Variants in RCN2 observed in about 807,000 individuals in gnomAD.
The protein encoded by RCN2 is reticulocalbin-2.
Under a neutral mutation model 37.5 loss-of-function variants are expected in RCN2, and 23 were observed. That is an observed-to-expected ratio of 0.61 (90% CI 0.44 to 0.87). The LOEUF (loss-of-function observed/expected upper bound fraction) is 0.87, where lower values mean the gene tolerates loss of function less well. Ranked by LOEUF, RCN2 falls within the 40% of genes least tolerant of loss-of-function variation. RCN2 has a pLI of 0.00. For synonymous variants in RCN2, 140 were observed against 144.6 expected (o/e 0.97, Z 0.23); for missense variants, 381 against 390.4 (o/e 0.98, Z 0.20).
In RCN2 at chr15:76,931,948, G is replaced by A; in HGVS notation, c.107G>A (p.Arg36His). 2 of 1,287,992 alleles carry A rather than the reference G, an allele frequency of 1.6e-6. No homozygotes were observed. Among genetic ancestry groups the A allele is most frequent in the Non-Finnish European group, 9.8e-7 (1 of 1,021,954 alleles). 79.8% of individuals were successfully genotyped at this position (1,287,992 alleles called of 1,614,324 possible). A position where few individuals can be genotyped will look rare whatever the true frequency, so the allele number is the denominator to read the frequency against. Residue 36 changes from arginine (R) to histidine (H), a missense_variant, in exon 1 of 7, where the codon CGC becomes CAC. By Grantham distance (29) the Arg-to-His change is conservative. Transcript: ENST00000394885. The part of the protein sequence containing the change: ...EELHYPLGER[R>H]SDYDREALLG... Reference sequence around the variant, plus strand: ...CTGCACTACCCGCTGGGCGAGCGCCGCAGCGACTACGACCGCGAGGCGCTG... The same window carrying A: ...CTGCACTACCCGCTGGGCGAGCGCCACAGCGACTACGACCGCGAGGCGCTG...
intron 4 of RCN2, among the ~76,000 whole-genome samples, chr15:76,946,296 A>C (rs904713301): frequency 2.0e-5 from 3 of 152,030 alleles, no homozygotes; most frequent in African/African-American, 7.2e-5. Context: ...CTCTACAAAA[A>C]AGTTAGCCAG....
chr15:76,939,426 C>T (rs1568459951), intron 3 of RCN2, among the ~76,000 whole-genome samples: 1 of 152,024 alleles, frequency 6.6e-6, no homozygotes, highest in African/African-American at 2.4e-5. Flanking sequence ...CTTTTTAAAA[C>T]TTTATGCATT....
chr15:76,941,726 G>T, intron 3 of RCN2: 1 of 1,112,668 alleles, frequency 9.0e-7, no homozygotes, highest in Non-Finnish European at 1.2e-6. Flanking sequence ...TCAAATGGCC[G>T]TGAAATGTGA....
rs961418988 is a variant in RCN2 at position 76,952,766 on chromosome 15, G to A, written c.*3544G>A. On this transcript the variant is annotated 3_prime_UTR_variant, in exon 7 of 7. Transcript: ENST00000394885. ...CTCCCGACTAGGTGGGATTACAGGCGGGCACCACCATGCCCCCTAATTTTT... is the reference window on the plus strand; with the variant it reads ...CTCCCGACTAGGTGGGATTACAGGCAGGCACCACCATGCCCCCTAATTTTT... 1 of 151,806 alleles carries A rather than the reference G, an allele frequency of 6.6e-6. No individual in the cohort carries two copies. Among genetic ancestry groups the A allele is most frequent in the Non-Finnish European group, 1.5e-5 (1 of 68,006 alleles). The allele number at this position is 151,806 out of a possible 1,614,324, so 9.4% of individuals were successfully genotyped here.
intron 3 of RCN2, among the ~76,000 whole-genome samples, chr15:76,939,959 G>T (rs920396467): frequency 2.7e-4 from 41 of 152,254 alleles, no homozygotes; most frequent in African/African-American, 7.7e-4. Context: ...TTTAAAAGGT[G>T]TCTGGTTCTA....
rs183045719 is a variant in RCN2 at position 76,938,375 on chromosome 15, A to G, written c.447+2653A>G. On this transcript the variant is annotated intron_variant, in intron 3 of 6. Coordinates refer to ENST00000394885, the MANE Select transcript of RCN2 (RefSeq NM_002902.3). ...TATGTGTAGGTTATATGCAAATGCTATGCCACTTTATATCAGGGAATTGAG... is the reference window on the plus strand; with the variant it reads ...TATGTGTAGGTTATATGCAAATGCTGTGCCACTTTATATCAGGGAATTGAG... Among the ~76,000 whole-genome samples, 135 of 152,342 alleles carry G rather than the reference A, an allele frequency of 8.9e-4. 2 individuals carry two copies. The highest frequency in any genetic ancestry group is 3.4e-3 in the Middle Eastern group (1 of 294).
At chr15:76,948,621 G>C in intron 6 of RCN2, 69 bp downstream of exon 6, 3 of 1,412,904 alleles carry the variant, frequency 2.1e-6, no homozygotes, top group Non-Finnish European at 2.8e-6. Context: ...GATAGGAAAA[G>C]AAGTTCAAAA....
At chr15:76,936,690 G>A (rs1437489689) in intron 3 of RCN2, among the ~76,000 whole-genome samples, 2 of 152,190 alleles carry the variant, frequency 1.3e-5, no homozygotes, top group Non-Finnish European at 2.9e-5. Context: ...GATGTGTGTA[G>A]GCTATGTGCA....
intron 3 of RCN2, among the ~76,000 whole-genome samples, chr15:76,937,457 C>T (rs2075256857): frequency 6.6e-6 from 1 of 151,606 alleles, no homozygotes; most frequent in African/African-American, 2.4e-5. Context: ...CACTCTGTTG[C>T]CCAGGCTGAA....
At chr15:76,939,540 T>A (rs1286706340) in intron 3 of RCN2, among the ~76,000 whole-genome samples, 5 of 152,168 alleles carry the variant, frequency 3.3e-5, no homozygotes, top group Non-Finnish European at 5.9e-5. Flanking sequence ...TGGACTAAAG[T>A]GAGTAAAAAT....
chr15:76,948,355 T>G (rs917904195), intron 5 of RCN2, 55 bp from the exon 6 acceptor site: 1 of 1,288,044 alleles, frequency 7.8e-7, no homozygotes, highest in African/African-American at 1.5e-5. Flanking sequence ...CCAAACTTCT[T>G]ATTGGATACA....
At chr15:76,932,283 A>G (rs915660458) in intron 1 of RCN2, 78 bp from the exon 2 acceptor site, 61 of 1,148,638 alleles carry the variant, frequency 5.3e-5, no homozygotes, top group South Asian at 2.6e-5. Flanking sequence ...GGGGTCTTCT[A>G]GTAGCCCTGT....
At chr15:76,944,752 G>A (rs2075290743) in intron 4 of RCN2, among the ~76,000 whole-genome samples, 1 of 152,142 alleles carries the variant, frequency 6.6e-6, no homozygotes, top group Non-Finnish European at 1.5e-5. Flanking sequence ...TTGTGTATAT[G>A]TACATTTTCT....
Position 76,931,828 on chromosome 15 carries a change from C to T in RCN2, c.-14C>T. 8.2e-7 allele frequency: 1 copy of T among 1,220,526 alleles called. No homozygotes were observed. Among genetic ancestry groups the T allele is most frequent in the Non-Finnish European group, 1.0e-6 (1 of 982,776 alleles). 75.6% of individuals were successfully genotyped at this position (1,220,526 alleles called of 1,614,324 possible). A position where few individuals can be genotyped will look rare whatever the true frequency, so the allele number is the denominator to read the frequency against. Reference sequence around the variant, plus strand: ...CCTCCTCGCGTCCCTCGGTGTCCTCCGCGGGCCGGCGCGATGCGGCTGGGC... The same window carrying T: ...CCTCCTCGCGTCCCTCGGTGTCCTCTGCGGGCCGGCGCGATGCGGCTGGGC... On this transcript the variant is annotated 5_prime_UTR_variant, in exon 1 of 7. Transcript: ENST00000394885.
At chr15:76,944,151 A>C (rs1393022190) in intron 4 of RCN2, among the ~76,000 whole-genome samples, 1 of 151,692 alleles carries the variant, frequency 6.6e-6, no homozygotes, top group Non-Finnish European at 1.5e-5. Context: ...CCGCCACTAC[A>C]CCTGGCTAAT....
At chr15:76,933,702 T>C (rs775350625) in intron 2 of RCN2, among the ~76,000 whole-genome samples, 1 of 152,234 alleles carries the variant, frequency 6.6e-6, no homozygotes, top group African/African-American at 2.4e-5. Flanking sequence ...TGAACCCACA[T>C]TTCTGATCCC....
At chr15:76,932,099 A>G in intron 1 of RCN2, 114 bp downstream of exon 1, 1 of 1,046,482 alleles carries the variant, frequency 9.6e-7, no homozygotes, top group South Asian at 3.0e-5. Context: ...GCGGCCTGAC[A>G]ATGGGGGCCG....
At chr15:76,944,577 A>G (rs777273867) in intron 4 of RCN2, among the ~76,000 whole-genome samples, 2 of 151,970 alleles carry the variant, frequency 1.3e-5, no homozygotes, top group African/African-American at 2.4e-5. Context: ...CATGAGTTCA[A>G]TTGTTTTGAT....
At chr15:76,937,182 A>G (rs2075254449) in intron 3 of RCN2, among the ~76,000 whole-genome samples, 1 of 152,176 alleles carries the variant, frequency 6.6e-6, no homozygotes. Context: ...CAAAATCAAA[A>G]TGCTCTTAAA....
Sources: gnomAD v4.1 joint callset for allele counts (sites outside exome capture counted in the v4.1 genomes callset) on GRCh38, gnomAD v4.1.1 for gene constraint, MANE v1.5 for transcripts, NCBI Gene and HGNC (gene_info 2026-07-23, HGNC 2026-07-21) for gene names.